The following KLRF1 variants were observed in gnomAD, a reference collection of about 807,000 sequenced individuals.
KLRF1 encodes killer cell lectin-like receptor subfamily F member 1.
In KLRF1, 27 loss-of-function variants were observed where a neutral mutation model predicts 30.7. That is an observed-to-expected ratio of 0.88 (90% CI 0.65 to 1.21). KLRF1 has a LOEUF of 1.21. Among genes scored for constraint, KLRF1 ranks in the 50% most tolerant of loss-of-function variants. The pLI is 0.00. For synonymous variants in KLRF1, 92 were observed against 89.3 expected (o/e 1.03, Z -0.17); for missense variants, 246 against 259.3 (o/e 0.95, Z 0.35).
At chr12:9,834,978 A>G (rs1393651825) in intron 3 of KLRF1, among the ~76,000 whole-genome samples, 2 of 152,124 alleles carry the variant, frequency 1.3e-5, no homozygotes, top group Non-Finnish European at 2.9e-5. Context: ...TGATGCTAGC[A>G]GAGAAGACAC....
chr12:9,817,613 T>C, the KLRF1 span: 3 of 303,130 alleles, frequency 9.9e-6, no homozygotes, highest in African/African-American at 4.6e-5. Context: ...TCTTTGAAGG[T>C]CCACGGTTTT....
Position 9,835,114 on chromosome 12 carries a change from C to T in KLRF1, c.334+1662C>T, listed in dbSNP as rs971875625. 5.3e-5 allele frequency among the ~76,000 whole-genome samples: 8 copies of T among 151,794 alleles called. No homozygotes were observed. In the East Asian group the frequency reaches 1.2e-3, roughly 22 times the overall value. Reference sequence around the variant, plus strand: ...AATTAGTGGAATAACTCTTTTTTGTCGTGTTGGTGTCATGAGGGGAACAGG... The same window carrying T: ...AATTAGTGGAATAACTCTTTTTTGTTGTGTTGGTGTCATGAGGGGAACAGG... On this transcript the variant is annotated intron_variant, in intron 3 of 5. Coordinates refer to ENST00000617889, the MANE Select transcript of KLRF1 (RefSeq NM_016523.3).
At chr12:9,843,096 G>T (rs1370127796) in intron 5 of KLRF1, among the ~76,000 whole-genome samples, 1 of 152,156 alleles carries the variant, frequency 6.6e-6, no homozygotes, top group African/African-American at 2.4e-5. Flanking sequence ...TATTATCCTG[G>T]ATTATCTGGG....
Position 9,841,944 on chromosome 12 carries a change from T to A in KLRF1, c.467T>A (p.Leu156His). Residue 156 changes from leucine (L) to histidine (H), a missense_variant, in exon 4 of 6, where the codon CTT becomes CAT. Transcript: ENST00000617889. ...KSHLLIIHDQ[L>H]EMAFIQKNLR... Reference sequence around the variant, plus strand: ...CATCTACTAATCATACATGACCAACTTGAAATGGTAATTGGTCTAGTATCA... The same window carrying A: ...CATCTACTAATCATACATGACCAACATGAAATGGTAATTGGTCTAGTATCA... 1 of 1,611,156 alleles carries A rather than the reference T, an allele frequency of 6.2e-7. No individual in the cohort carries two copies. The highest frequency in any genetic ancestry group is 1.1e-5 in the South Asian group (1 of 90,662).
At chr12:9,824,180 C>T (rs180829007), upstream of KLRF1, among the ~76,000 whole-genome samples, 106 of 152,096 alleles carry the variant, frequency 7.0e-4, no homozygotes, top group Non-Finnish European at 1.1e-3. Context: ...AAAGAAAACT[C>T]GAGGCCGGCA....
At chr12:9,834,202 G>A (rs1278478575) in intron 3 of KLRF1, among the ~76,000 whole-genome samples, 1 of 151,788 alleles carries the variant, frequency 6.6e-6, no homozygotes, top group African/African-American at 2.4e-5. Flanking sequence ...CTTTTATGGT[G>A]GAATGTCATC....
intron 1 of KLRF1, among the ~76,000 whole-genome samples, chr12:9,828,380 CT>C (rs1344645590): frequency 2.6e-5 from 4 of 152,152 alleles, no homozygotes; most frequent in African/African-American, 9.7e-5. Context: ...CGCGCCCAGC[CT>C]TTAATACTAA....
chr12:9,842,333 A>G lies in KLRF1; in HGVS notation c.487A>G (p.Lys163Glu), dbSNP rs745553572. The G allele has an allele frequency of 1.9e-6, 3 of 1,611,802 alleles. No homozygotes were observed. The highest frequency in any genetic ancestry group is 2.2e-5 in the East Asian group (1 of 44,766). ...HDQLEMAFIQ[K>E]NLRQLNYVWI... ...GTCCACATTTTAGGCTTTTATACAGAAAAACCTAAGACAATTAAACTACGT... is the reference window on the plus strand; with the variant it reads ...GTCCACATTTTAGGCTTTTATACAGGAAAACCTAAGACAATTAAACTACGT... The change falls in exon 5 of 6, where the codon AAA becomes GAA. Residue 163 changes from lysine (K) to glutamate (E), a missense_variant. Lys to Glu is a moderately conservative substitution (Grantham distance 56, BLOSUM62 1). Coordinates refer to ENST00000617889, the MANE Select transcript of KLRF1 (RefSeq NM_016523.3).
At chr12:9,815,070 G>T in the KLRF1 span, among the ~76,000 whole-genome samples, 1 of 151,980 alleles carries the variant, frequency 6.6e-6, no homozygotes, top group Non-Finnish European at 1.5e-5. Flanking sequence ...TTACACAACC[G>T]ATGCATGTAT....
At chr12:9,819,625 T>C in the KLRF1 span, among the ~76,000 whole-genome samples, 1 of 152,114 alleles carries the variant, frequency 6.6e-6, no homozygotes, top group Non-Finnish European at 1.5e-5. Flanking sequence ...ACAAGTGTTT[T>C]TGAGCTGGCA....
At chr12:9,831,661 A>G (rs1394828040) in intron 1 of KLRF1, among the ~76,000 whole-genome samples, 1 of 152,164 alleles carries the variant, frequency 6.6e-6, no homozygotes, top group Non-Finnish European at 1.5e-5. Context: ...CCTCTGGATG[A>G]GACTCTCTAC....
At chr12:9,824,792 A>G (rs57835476), upstream of KLRF1, among the ~76,000 whole-genome samples, 2,124 of 152,252 alleles carry the variant, frequency 0.014, 42 homozygotes, top group African/African-American at 0.048. Flanking sequence ...TCAACATACA[A>G]AAATCACCAA....
At position 9,834,592 on chromosome 12, in the gene KLRF1, A is replaced by T. The variant is rs149826001; in HGVS notation, c.334+1140A>T. On this transcript the variant is annotated intron_variant, in intron 3 of 5. Coordinates refer to ENST00000617889, the MANE Select transcript of KLRF1 (RefSeq NM_016523.3). The stretch of plus-strand genomic sequence containing the variant: ...CATTTGTTGTATAGAATGATTGGTG[A>T]TGGCCTGGATACGGTTTTGGATGAA... Among the ~76,000 whole-genome samples the T allele has an allele frequency of 4.3e-3, 660 of 152,128 alleles. 4 individuals are homozygous for T. Among genetic ancestry groups the T allele is most frequent in the African/African-American group, 0.015 (638 of 41,490 alleles).
At chr12:9,817,458 T>C in the KLRF1 span, 1 of 439,778 alleles carries the variant, frequency 2.3e-6, no homozygotes, top group Non-Finnish European at 4.3e-6. Context: ...TCGTAGATTC[T>C]CTGAACCAGT....
chr12:9,816,926 G>T, the KLRF1 span, among the ~76,000 whole-genome samples: 14 of 151,672 alleles, frequency 9.2e-5, no homozygotes, highest in Non-Finnish European at 1.9e-4. Context: ...TTAGAGATGG[G>T]GTTTCACCGT....
chr12:9,802,566 A>G, the KLRF1 span, among the ~76,000 whole-genome samples: 4 of 152,122 alleles, frequency 2.6e-5, no homozygotes. Flanking sequence ...TGCAGACAAC[A>G]TGATTCTATA....
Position 9,827,535 on chromosome 12 carries a change from C to T in KLRF1, c.-10C>T, listed in dbSNP as rs1411067714. 1 of 1,555,444 alleles carries T rather than the reference C, an allele frequency of 6.4e-7. No homozygotes were observed. Among genetic ancestry groups the T allele is most frequent in the South Asian group, 1.1e-5 (1 of 88,886 alleles). On this transcript the variant is annotated 5_prime_UTR_variant, in exon 1 of 6. Coordinates refer to ENST00000617889, the MANE Select transcript of KLRF1 (RefSeq NM_016523.3). ...ATACCTGTATACACACACATTCACT[C>T]ACATTGAAGATGCAAGATGAAGAAA...
intron 1 of KLRF1, among the ~76,000 whole-genome samples, chr12:9,828,607 C>A (rs995196291): frequency 6.6e-6 from 1 of 152,140 alleles, no homozygotes; most frequent in African/African-American, 2.4e-5. Flanking sequence ...CTGTTCTGTT[C>A]TGTTGCTTTC....
Position 9,841,931 on chromosome 12 carries a change from A to G in KLRF1, c.454A>G (p.Ile152Val). 3.1e-6 allele frequency: 5 copies of G among 1,611,800 alleles called. No individual in the cohort carries two copies. Among genetic ancestry groups the G allele is most frequent in the Non-Finnish European group, 4.2e-6 (5 of 1,178,772 alleles). Residue 152 changes from isoleucine (I) to valine (V), a missense_variant, in exon 4 of 6, where the codon ATA becomes GTA. By Grantham distance (29) the Ile-to-Val change is conservative (BLOSUM62 3). Coordinates refer to ENST00000617889, the MANE Select transcript of KLRF1 (RefSeq NM_016523.3). ...GGAAAGAAAATCTCATCTACTAATC[A>G]TACATGACCAACTTGAAATGGTAAT... ...CLERKSHLLI[I>V]HDQLEMAFIQ...
Sources: gnomAD v4.1 joint callset for allele counts (sites outside exome capture counted in the v4.1 genomes callset) on GRCh38, gnomAD v4.1.1 for gene constraint, MANE v1.5 for transcripts, NCBI Gene and HGNC (gene_info 2026-07-23, HGNC 2026-07-21) for gene names.